Variants in LMF1 observed in about 807,000 individuals in gnomAD.
LMF1 encodes the protein lipase maturation factor 1.
LMF1 carries 68 observed loss-of-function variants against 60.6 expected under a neutral mutation model. That is an observed-to-expected ratio of 1.12 (90% confidence interval 0.92 to 1.37). The LOEUF (loss-of-function observed/expected upper bound fraction) is 1.37. LMF1 is among the 40% of genes most tolerant of loss of function. The pLI, the probability that LMF1 is intolerant of heterozygous loss-of-function variation, is 0.00. For synonymous variants in LMF1, 418 were observed against 324.7 expected (o/e 1.29, Z -3.09); for missense variants, 948 against 767.2 (o/e 1.24, Z -2.78).
intron 4 of LMF1, 108 bp from the exon 5 acceptor site, chr16:893,180 C>T (rs1596926744): frequency 1.0e-6 from 1 of 958,664 alleles, no homozygotes; most frequent in Admixed American, 2.0e-5. Context: ...GGCCGTGGAT[C>T]TGGGCTGCAG....
intron 2 of LMF1, 184 bp downstream of exon 2, chr16:954,173 G>A (rs1340639760): frequency 1.4e-6 from 1 of 718,072 alleles, no homozygotes; most frequent in South Asian, 1.5e-5. Context: ...TAATCCTGAA[G>A]ATGGGTGGCT....
At chr16:920,237 C>T (rs1041098785) in intron 3 of LMF1, among the ~76,000 whole-genome samples, 6 of 151,492 alleles carry the variant, frequency 4.0e-5, no homozygotes, top group Admixed American at 2.0e-4. Context: ...ACATCCACAC[C>T]GGCCCCAGCC....
chr16:940,394 C>G (rs2072069117), intron 2 of LMF1, among the ~76,000 whole-genome samples: 1 of 152,072 alleles, frequency 6.6e-6, no homozygotes, highest in Admixed American at 6.5e-5. Flanking sequence ...CACAGGCTCA[C>G]CCACCGGGGA....
At chr16:890,831 C>T (rs2070462122) in intron 5 of LMF1, among the ~76,000 whole-genome samples, 1 of 149,548 alleles carries the variant, frequency 6.7e-6, no homozygotes, top group Non-Finnish European at 1.5e-5. Flanking sequence ...GCCCTGCCTG[C>T]AGGCCCTGAC....
chr16:889,632 T>C (rs1387380536), intron 5 of LMF1, among the ~76,000 whole-genome samples: 1 of 152,092 alleles, frequency 6.6e-6, no homozygotes, highest in African/African-American at 2.4e-5. Flanking sequence ...TGACTCCTTA[T>C]CTGACCAGCA....
chr16:872,152 A>T (rs925345778), intron 6 of LMF1: 6 of 152,174 alleles, frequency 3.9e-5, no homozygotes, highest in African/African-American at 1.4e-4. Flanking sequence ...TCAGGGAGAC[A>T]GGGGCAGCTT....
intron 3 of LMF1, 69 bp downstream of exon 3, chr16:934,175 C>T (rs1441634340): frequency 2.5e-6 from 4 of 1,598,244 alleles, no homozygotes; most frequent in South Asian, 2.2e-5. Flanking sequence ...AGGAAAAGTG[C>T]GTGAAGATAC....
intron 1 of LMF1, among the ~76,000 whole-genome samples, chr16:956,439 T>C (rs1236616291): frequency 1.3e-5 from 2 of 151,938 alleles, no homozygotes; most frequent in Non-Finnish European, 2.9e-5. Context: ...ACCATTCAAA[T>C]GTGAATCAAA....
chr16:968,020 C>T (rs936089108), intron 1 of LMF1, among the ~76,000 whole-genome samples: 9 of 152,350 alleles, frequency 5.9e-5, no homozygotes, highest in East Asian at 1.9e-4. Flanking sequence ...TAACACACTC[C>T]GGCTCCCACA....
intron 10 of LMF1, among the ~76,000 whole-genome samples, chr16:858,324 A>G (rs1283487675): frequency 6.1e-5 from 3 of 48,908 alleles, no homozygotes; most frequent in Admixed American, 2.0e-4. Context: ...GTGTCTCGGG[A>G]TGGGTGTGAG....
rs1298556857 is a variant in LMF1 at position 950,325 on chromosome 16, G to A, written c.503+4032C>T. Among the ~76,000 whole-genome samples, 41 of 115,704 alleles carry A rather than the reference G, an allele frequency of 3.5e-4. 1 individual carries two copies. Among genetic ancestry groups the A allele is most frequent in the African/African-American group, 4.9e-4 (11 of 22,590 alleles). 75.9% of individuals were successfully genotyped at this position (115,704 alleles called of 152,430 possible). Reference sequence around the variant, plus strand: ...AGCCAATGACAGAGTCAGAGACAACGACAGAGTCAGCCAACAACAGTCAGC... The same window carrying A: ...AGCCAATGACAGAGTCAGAGACAACAACAGAGTCAGCCAACAACAGTCAGC... On this transcript the variant is annotated intron_variant, in intron 2 of 10. Transcript: ENST00000262301.
chr16:900,729 G>GTGTGTGTGTGTGTGTGTT (rs59956645), intron 4 of LMF1: 2 of 79,302 alleles, frequency 2.5e-5, no homozygotes, highest in African/African-American at 1.0e-4. Context: ...GTGTGTGTGT[G>GTGTGTGTGTGTGTGTGTT]TGTTTTAGTA....
chr16:921,539 G>GT (rs2071431365), intron 3 of LMF1, among the ~76,000 whole-genome samples: 1 of 152,248 alleles, frequency 6.6e-6, no homozygotes, highest in South Asian at 2.1e-4. Context: ...CAAGACAGCT[G>GT]TATCTCTGTA....
At chr16:963,202 C>G (rs1197993618) in intron 1 of LMF1, among the ~76,000 whole-genome samples, 1 of 152,036 alleles carries the variant, frequency 6.6e-6, no homozygotes, top group Non-Finnish European at 1.5e-5. Context: ...GCAGAAGGCT[C>G]CCCACACCCC....
At chr16:893,339 A>T in intron 4 of LMF1, 1 of 582,006 alleles carries the variant, frequency 1.7e-6, no homozygotes, top group Non-Finnish European at 3.2e-6. Flanking sequence ...CCCAACACTC[A>T]TTCTCAGAGC....
At chr16:916,867 G>A (rs2071292721) in intron 3 of LMF1, among the ~76,000 whole-genome samples, 1 of 152,212 alleles carries the variant, frequency 6.6e-6, no homozygotes, top group Non-Finnish European at 1.5e-5. Flanking sequence ...CACCTCCCGG[G>A]TGTCCCCTCG....
intron 2 of LMF1, among the ~76,000 whole-genome samples, chr16:947,905 G>A (rs1363740536): frequency 6.6e-6 from 1 of 151,032 alleles, no homozygotes; most frequent in African/African-American, 2.5e-5. Context: ...CAATGACAGA[G>A]TCAGCCAACG....
intron 10 of LMF1, chr16:855,160 G>A (rs2069151664): frequency 3.8e-6 from 1 of 261,402 alleles, no homozygotes; most frequent in South Asian, 4.5e-5. Flanking sequence ...AAGGTGCCTG[G>A]GGGTTTCGGT....
intron 10 of LMF1, among the ~76,000 whole-genome samples, chr16:864,511 G>A (rs1220369667): frequency 6.6e-6 from 1 of 152,204 alleles, no homozygotes; most frequent in Non-Finnish European, 1.5e-5. Context: ...GTAGTCTAAT[G>A]TAAGTGTTCT....
Sources: gnomAD v4.1 joint callset for allele counts (sites outside exome capture counted in the v4.1 genomes callset) on GRCh38, gnomAD v4.1.1 for gene constraint, MANE v1.5 for transcripts, NCBI Gene and HGNC (gene_info 2026-07-23, HGNC 2026-07-21) for gene names.